The following CLCN7 variants were observed in gnomAD, a reference collection of about 807,000 sequenced individuals.
CLCN7 encodes the protein H(+)/Cl(-) exchange transporter 7.
In CLCN7, 60 loss-of-function variants were observed where a neutral mutation model predicts 102.1. The observed-to-expected ratio is 0.59, with a 90% CI of 0.48 to 0.73. The LOEUF (loss-of-function observed/expected upper bound fraction) is 0.73. Among genes scored for constraint, CLCN7 ranks in the 30% least tolerant of loss-of-function variants. The pLI, the probability that CLCN7 is intolerant of heterozygous loss-of-function variation, is 0.00. For missense variants in CLCN7, 962 were observed against 1,125.7 expected, an observed-to-expected ratio of 0.85 and a Z score of 2.08; for synonymous variants, 560 against 490.5, an observed-to-expected ratio of 1.14 and a Z score of -1.87.
chr16:1,446,879 G>T, intron 24 of CLCN7, 127 bp downstream of exon 24: 1 of 1,139,922 alleles, frequency 8.8e-7, no homozygotes, highest in Non-Finnish European at 1.3e-6. Context: ...GCAGCCATGG[G>T]GCATGGGCCG....
chr16:1,460,736 TGGGCTCAGGACTTCTGCCC>T, intron 5 of CLCN7, 61 bp downstream of exon 5: 1 of 1,606,424 alleles, frequency 6.2e-7, no homozygotes, highest in Non-Finnish European at 8.5e-7. Context: ...TGGAACACGC[TGGGCTCAGGACTTCTGCCC>T]GGGACTCGGC....
rs911131039 is a variant in CLCN7 at position 1,453,956 on chromosome 16, G to A, written c.1154-62C>T. 4.3e-5 allele frequency: 67 copies of A among 1,547,748 alleles called. 1 individual carries two copies. The East Asian group carries it at 8.5e-4, about 20-fold the overall frequency. Reference sequence around the variant, plus strand: ...GGAAAAGTGCGGGCCTCCGCCCGCCGGCTCCCAGATGGCAGGAGAAGCTGG... The same window carrying A: ...GGAAAAGTGCGGGCCTCCGCCCGCCAGCTCCCAGATGGCAGGAGAAGCTGG... On this transcript the variant is annotated intron_variant, in intron 13 of 24. Transcript: ENST00000382745.
At chr16:1,455,978 G>A in intron 10 of CLCN7, 135 bp downstream of exon 10, 1 of 998,136 alleles carries the variant, frequency 1.0e-6, no homozygotes, top group Non-Finnish European at 1.5e-6. Flanking sequence ...TACACTGCCG[G>A]CCGCTTCCAA....
At chr16:1,463,774 G>GAAA (rs34219752) in intron 2 of CLCN7, among the ~76,000 whole-genome samples, 14 of 144,264 alleles carry the variant, frequency 9.7e-5, no homozygotes, top group South Asian at 2.2e-4. Flanking sequence ...CACCTGCCCA[G>GAAA]AAAAAAAAAA....
intron 3 of CLCN7, 27 bp downstream of exon 3, chr16:1,461,576 G>C (rs763807326): frequency 6.2e-7 from 1 of 1,613,020 alleles, no homozygotes; most frequent in Non-Finnish European, 8.5e-7. Context: ...CCGGGTCTCA[G>C]GGTCAGGGGG....
At chr16:1,454,571 A>T (rs968246960) in intron 12 of CLCN7, 106 bp from the exon 13 acceptor site, 2 of 1,111,044 alleles carry the variant, frequency 1.8e-6, no homozygotes, top group African/African-American at 3.1e-5. Context: ...CCCCACAGAG[A>T]GCCTTCCCGC....
In CLCN7 at chr16:1,460,872, A is replaced by T. The variant is rs2038924439; in HGVS notation, c.428T>A (p.Phe143Tyr). ...CAGGTTTTCCACCACGATGTCAATG[A>T]AGCAGGCCACGAGGCCCGTGAGGAT... ...IGILTGLVAC[F>Y]IDIVVENLAG... is the part of the protein sequence containing the mutation. Residue 143 changes from phenylalanine (F) to tyrosine (Y), a missense_variant, in exon 5 of 25, where the codon TTC becomes TAC. Physicochemically the swap from Phe to Tyr is conservative, Grantham distance 22. This residue lies in a region of CLCN7 where 799 missense variants were observed against 988.0 expected (regional missense o/e 0.81). Transcript: ENST00000382745. 2.5e-6 allele frequency: 4 copies of T among 1,614,056 alleles called. No homozygotes were observed. Among genetic ancestry groups the T allele is most frequent in the Non-Finnish European group, 3.4e-6 (4 of 1,179,954 alleles).
chr16:1,461,816 G>A (rs1263354684), intron 2 of CLCN7, 142 bp from the exon 3 acceptor site: 9 of 758,442 alleles, frequency 1.2e-5, no homozygotes, highest in Non-Finnish European at 1.8e-5. Flanking sequence ...GGGGCGCGGT[G>A]GCTGACACCT....
Position 1,450,513 on chromosome 16 carries a change from T to G in CLCN7, c.1601A>C (p.Tyr534Ser). The change falls in exon 17 of 25, where the codon TAC becomes TCC. Residue 534 changes from tyrosine to serine, a missense_variant. Tyr to Ser is a moderately radical substitution (Grantham distance 144). Coordinates refer to ENST00000382745, the MANE Select transcript of CLCN7 (RefSeq NM_001287.6). ...CCCACTCACCGCCGCCCCCGTGAGGTAGGACAGGGAGATCCCAAAGAGCCG... is the reference window on the plus strand; with the variant it reads ...CCCACTCACCGCCGCCCCCGTGAGGGAGGACAGGGAGATCCCAAAGAGCCG... ...WGRLFGISLS[Y>S]LTGAAIWADP... 1 of 1,605,948 alleles carries G rather than the reference T, an allele frequency of 6.2e-7. No individual in the cohort carries two copies. The highest frequency in any genetic ancestry group is 8.5e-7 in the Non-Finnish European group (1 of 1,177,334).
At position 1,460,479 on chromosome 16, in the gene CLCN7, A is replaced by G; in HGVS notation, c.533T>C (p.Leu178Pro). Reference protein sequence around the residue: ...EKGGLSFSLLLWATLNAAFVL... With the variant: ...EKGGLSFSLLPWATLNAAFVL... ...GAAGGCGGCGTTCAGCGTGGCCCAC[A>G]GCAACAGGGAGAAGGACAGTCCGCC... The change falls in exon 6 of 25, where the codon CTG (leucine) becomes CCG (proline). Residue 178 changes from leucine (L) to proline (P), a missense_variant. Transcript: ENST00000382745. The G allele has an allele frequency of 6.2e-7, 1 of 1,613,888 alleles. No individual in the cohort carries two copies. Among genetic ancestry groups the G allele is most frequent in the Middle Eastern group, 1.6e-4 (1 of 6,062 alleles).
chr16:1,460,205 T>C (rs1020940862), intron 6 of CLCN7, among the ~76,000 whole-genome samples: 3 of 151,410 alleles, frequency 2.0e-5, no homozygotes, highest in African/African-American at 7.3e-5. Flanking sequence ...TGCTGGTAGG[T>C]CAGGAGCAGC....
At chr16:1,455,888 C>G (rs372414415) in intron 10 of CLCN7, 93 bp from the exon 11 acceptor site, 25 of 1,424,076 alleles carry the variant, frequency 1.8e-5, no homozygotes, top group African/African-American at 1.3e-4. Context: ...GAACCCAGAC[C>G]ACGTCAGAAA....
intron 1 of CLCN7, chr16:1,474,321 C>A: frequency 2.5e-6 from 1 of 399,340 alleles, no homozygotes; most frequent in South Asian, 1.8e-5. Context: ...GGGACTGATC[C>A]CCACACAGAA....
At chr16:1,465,165 G>T in intron 2 of CLCN7, 102 bp downstream of exon 2, 1 of 1,179,062 alleles carries the variant, frequency 8.5e-7, no homozygotes, top group Non-Finnish European at 1.2e-6. Flanking sequence ...CCCGGCCCTG[G>T]GGCCCCACTA....
At chr16:1,447,338 A>AC (rs2038665046) in intron 23 of CLCN7, 54 bp downstream of exon 23, 3 of 1,438,042 alleles carry the variant, frequency 2.1e-6, no homozygotes, top group Non-Finnish European at 2.8e-6. Flanking sequence ...TCTGGACCCC[A>AC]CCCCCTGCTG....
At chr16:1,464,704 A>G (rs2038981217) in intron 2 of CLCN7, among the ~76,000 whole-genome samples, 1 of 152,206 alleles carries the variant, frequency 6.6e-6, no homozygotes, top group African/African-American at 2.4e-5. Context: ...CAACATCAGG[A>G]TCATCTCAAC....
intron 17 of CLCN7, 53 bp downstream of exon 17, chr16:1,450,444 C>A: frequency 1.3e-6 from 2 of 1,529,014 alleles, no homozygotes; most frequent in Non-Finnish European, 8.9e-7. Flanking sequence ...CGCGATGCCG[C>A]AAGACCTGGC....
intron 16 of CLCN7, among the ~76,000 whole-genome samples, chr16:1,451,096 A>G (rs773398614): frequency 1.3e-5 from 2 of 152,220 alleles, no homozygotes; most frequent in Non-Finnish European, 2.9e-5. Context: ...CGCCAGGGAC[A>G]CAACTGCAGA....
rs1185466223 is a variant in CLCN7 at position 1,475,019 on chromosome 16, C to G, written c.-45G>C. ...CCGGCCGGGAAGCGCCGGCTGCCCC[C>G]GTGTTTGTTCTCGTGACCCGCGCCG... On this transcript the variant is annotated 5_prime_UTR_variant, in exon 1 of 25. Transcript: ENST00000382745. The G allele has an allele frequency of 3.6e-5, 51 of 1,401,706 alleles. No individual in the cohort carries two copies. The highest frequency in any genetic ancestry group is 4.7e-5 in the Non-Finnish European group (50 of 1,075,252). The allele number at this position is 1,401,706 out of a possible 1,614,324, so 86.8% of individuals were successfully genotyped here. A position where few individuals can be genotyped will look rare whatever the true frequency, so the allele number is the denominator to read the frequency against.
Sources: allele counts gnomAD v4.1 joint callset (sites outside exome capture counted in the v4.1 genomes callset), GRCh38; gene constraint gnomAD v4.1.1; regional missense constraint gnomAD v4.1.1; transcripts MANE v1.5; gene names NCBI Gene and HGNC (gene_info 2026-07-23, HGNC 2026-07-21).